Variants in KCNIP4 observed in about 807,000 individuals in gnomAD.
KCNIP4 encodes the protein potassium voltage-gated channel interacting protein 4, also known as Kv channel-interacting protein 4.
KCNIP4 carries 12 observed loss-of-function variants against 34.0 expected under a neutral mutation model. That is an observed-to-expected ratio of 0.35 (90% CI 0.23 to 0.57). The LOEUF (loss-of-function observed/expected upper bound fraction) is 0.57, where lower values mean the gene tolerates loss of function less well. KCNIP4 is among the 20% of genes least tolerant of loss of function. KCNIP4 has a pLI of 0.83. For missense variants in KCNIP4, 238 were observed against 311.7 expected (o/e 0.76, Z 1.78); for synonymous variants, 124 against 102.2 (o/e 1.21, Z -1.29).
intron 6 of KCNIP4, among the ~76,000 whole-genome samples, chr4:20,733,506 T>G (rs1276746930): frequency 1.3e-5 from 2 of 152,168 alleles, no homozygotes; most frequent in African/African-American, 4.8e-5. Context: ...ATATATTTAC[T>G]TTTAAGAGTA....
At chr4:21,569,349 C>T (rs542105045) in intron 1 of KCNIP4, among the ~76,000 whole-genome samples, 6 of 144,698 alleles carry the variant, frequency 4.1e-5, no homozygotes, top group African/African-American at 1.5e-4. Flanking sequence ...AACTTTGCTT[C>T]TTGAGGAGGA....
At chr4:21,004,101 C>T (rs1296376375) in intron 1 of KCNIP4, among the ~76,000 whole-genome samples, 2 of 152,084 alleles carry the variant, frequency 1.3e-5, no homozygotes. Flanking sequence ...TTTTAGCTTG[C>T]TTTGGCTATA....
intron 1 of KCNIP4, among the ~76,000 whole-genome samples, chr4:20,958,592 C>A (rs1733542165): frequency 6.6e-6 from 1 of 152,136 alleles, no homozygotes; most frequent in South Asian, 2.1e-4. Context: ...GAACTTTCAG[C>A]TAAACTTAGA....
intron 1 of KCNIP4, among the ~76,000 whole-genome samples, chr4:21,708,437 A>G (rs1713463615): frequency 1.3e-5 from 2 of 152,288 alleles, no homozygotes; most frequent in East Asian, 1.9e-4. Flanking sequence ...TACAGATTTG[A>G]TATCTCCTGA....
At chr4:21,253,547 G>C (rs1390065142) in intron 1 of KCNIP4, among the ~76,000 whole-genome samples, 1 of 152,146 alleles carries the variant, frequency 6.6e-6, no homozygotes, top group Non-Finnish European at 1.5e-5. Context: ...CAGCCCTATA[G>C]AGGAATGTTC....
chr4:21,424,065 C>T (rs1725731849), intron 1 of KCNIP4, among the ~76,000 whole-genome samples: 2 of 150,636 alleles, frequency 1.3e-5, no homozygotes, highest in Admixed American at 6.6e-5. Flanking sequence ...ATGATCCACC[C>T]GCCTTGGCCT....
chr4:21,732,477 T>C (rs926990185), intron 1 of KCNIP4, among the ~76,000 whole-genome samples: 2 of 152,168 alleles, frequency 1.3e-5, no homozygotes, highest in Non-Finnish European at 2.9e-5. Flanking sequence ...CTCTGCATTT[T>C]TATTAAATTT....
chr4:21,168,241 T>C (rs1261922343), intron 1 of KCNIP4, among the ~76,000 whole-genome samples: 9 of 152,172 alleles, frequency 5.9e-5, no homozygotes, highest in African/African-American at 1.9e-4. Context: ...GGTAATGTGA[T>C]GGTGTTAACT....
rs948151490 is a variant in KCNIP4 at position 20,731,791 on chromosome 4, G to T, written c.705+215C>A. The T allele has an allele frequency of 7.1e-6, 7 of 985,216 alleles. No homozygotes were observed. The South Asian group carries it at 3.3e-4, about 46-fold the overall frequency. 61.0% of individuals were successfully genotyped at this position (985,216 alleles called of 1,614,324 possible). On this transcript the variant is annotated intron_variant, in intron 8 of 8. Coordinates refer to ENST00000382152, the MANE Select transcript of KCNIP4 (RefSeq NM_025221.6). Reference sequence around the variant, plus strand: ...CATGTACAACTTTTGTATCCCCAGGGTTTCCTCCATAGCCTGACTCAGTGG... The same window carrying T: ...CATGTACAACTTTTGTATCCCCAGGTTTTCCTCCATAGCCTGACTCAGTGG...
chr4:20,944,326 G>C (rs982917480), intron 1 of KCNIP4, among the ~76,000 whole-genome samples: 2 of 152,172 alleles, frequency 1.3e-5, no homozygotes, highest in Non-Finnish European at 2.9e-5. Flanking sequence ...GGACAACAGA[G>C]ACACCTTGAA....
chr4:21,782,350 C>A (rs1446613276), intron 1 of KCNIP4, among the ~76,000 whole-genome samples: 2 of 152,156 alleles, frequency 1.3e-5, no homozygotes, highest in African/African-American at 4.8e-5. Flanking sequence ...ACCCAGCAAT[C>A]ATACATCTAG....
intron 1 of KCNIP4, among the ~76,000 whole-genome samples, chr4:21,813,962 A>G (rs538984771): frequency 6.6e-6 from 1 of 152,270 alleles, no homozygotes; most frequent in East Asian, 1.9e-4. Flanking sequence ...TACCTGTCAA[A>G]ATGCATTGAG....
intron 2 of KCNIP4, among the ~76,000 whole-genome samples, chr4:20,862,940 A>G (rs1577271898): frequency 6.6e-6 from 1 of 152,158 alleles, no homozygotes; most frequent in Non-Finnish European, 1.5e-5. Context: ...GATACATAGA[A>G]GGGAACAACA....
At chr4:21,889,145 C>T (rs1026249848) in intron 1 of KCNIP4, among the ~76,000 whole-genome samples, 3 of 152,104 alleles carry the variant, frequency 2.0e-5, no homozygotes, top group Admixed American at 6.6e-5. Flanking sequence ...TGATGCCAAA[C>T]AACCACAGGT....
intron 1 of KCNIP4, among the ~76,000 whole-genome samples, chr4:21,343,641 A>G (rs1716985835): frequency 6.6e-6 from 1 of 152,086 alleles, no homozygotes; most frequent in South Asian, 2.1e-4. Context: ...GTCTTTCTCA[A>G]ATTTATTGTC....
At chr4:21,422,659 T>TTG (rs3083787) in intron 1 of KCNIP4, among the ~76,000 whole-genome samples, 44,461 of 147,530 alleles carry the variant, frequency 0.3, 6,675 homozygotes, top group Non-Finnish European at 0.35. Flanking sequence ...ATGTGTGTGT[T>TTG]TGTGTGTGTG....
intron 1 of KCNIP4, among the ~76,000 whole-genome samples, chr4:21,376,807 C>A (rs1721003945): frequency 6.6e-6 from 1 of 152,086 alleles, no homozygotes; most frequent in Non-Finnish European, 1.5e-5. Context: ...CGGATTGCAC[C>A]CAATACAAAA....
intron 1 of KCNIP4, among the ~76,000 whole-genome samples, chr4:21,706,630 G>C (rs569123686): frequency 6.6e-6 from 1 of 152,122 alleles, no homozygotes; most frequent in Non-Finnish European, 1.5e-5. Context: ...GTGACTGATT[G>C]ATTAAGGGAA....
At chr4:21,190,546 C>G (rs1755561573) in intron 1 of KCNIP4, among the ~76,000 whole-genome samples, 1 of 151,948 alleles carries the variant, frequency 6.6e-6, no homozygotes, top group African/African-American at 2.4e-5. Context: ...CTCCTATGTA[C>G]CAGACATGGA....
Sources: allele counts gnomAD v4.1 joint callset (sites outside exome capture counted in the v4.1 genomes callset), GRCh38; gene constraint gnomAD v4.1.1; transcripts MANE v1.5; gene names NCBI Gene and HGNC (gene_info 2026-07-23, HGNC 2026-07-21).